GOLM2: variants seen among roughly 807,000 people sequenced by gnomAD.
GOLM2 encodes protein GOLM2.
GOLM2 carries 26 observed loss-of-function variants against 55.9 expected under a neutral mutation model. The ratio of observed to expected loss-of-function variants is 0.47; its 90% confidence interval spans 0.34 to 0.65. The LOEUF (loss-of-function observed/expected upper bound fraction) is 0.65, where lower values mean the gene tolerates loss of function less well. Ranked by LOEUF, GOLM2 falls within the 30% of genes least tolerant of loss-of-function variation. GOLM2 has a pLI of 0.01. For missense variants in GOLM2, 486 were observed against 531.8 expected, an observed-to-expected ratio of 0.91 and a Z score of 0.85; for synonymous variants, 165 against 194.6, an observed-to-expected ratio of 0.85 and a Z score of 1.27.
chr15:44,357,292 T>TA lies in GOLM2; in HGVS notation c.802+18985dup, dbSNP rs559719807. 4.4e-3 allele frequency among the ~76,000 whole-genome samples: 661 copies of TA among 149,222 alleles called. 3 individuals carry two copies. Among genetic ancestry groups the TA allele is most frequent in the African/African-American group, 8.8e-3 (359 of 40,748 alleles). ...AACATAATTCATCGTATTAGCAGGCTAAAAAAAAAATCACATGATTATATC... is the reference window on the plus strand; with the variant it reads ...AACATAATTCATCGTATTAGCAGGCTAAAAAAAAAAATCACATGATTATATC... On this transcript the variant is annotated intron_variant, in intron 6 of 9. Transcript: ENST00000299957.
chr15:44,345,140 G>A (rs1038223586), intron 6 of GOLM2, among the ~76,000 whole-genome samples: 5 of 150,412 alleles, frequency 3.3e-5, no homozygotes, highest in Admixed American at 2.7e-4. Flanking sequence ...ATGGAGTTTC[G>A]CTCTTGTAGC....
chr15:44,385,397 C>A (rs532121849), intron 8 of GOLM2, among the ~76,000 whole-genome samples: 112 of 136,652 alleles, frequency 8.2e-4, no homozygotes, highest in Middle Eastern at 3.8e-3. Flanking sequence ...CACTTTCATT[C>A]ATTCCTTCTA....
chr15:44,389,060 G>T (rs541534284), intron 8 of GOLM2, among the ~76,000 whole-genome samples: 1 of 151,964 alleles, frequency 6.6e-6, no homozygotes, highest in African/African-American at 2.4e-5. Flanking sequence ...CTCGTGATCT[G>T]CCTGCCTCGG....
intron 6 of GOLM2, among the ~76,000 whole-genome samples, chr15:44,360,966 T>G (rs1239592288): frequency 2.7e-5 from 4 of 150,918 alleles, no homozygotes. Context: ...GGGTACATAA[T>G]GAAATGAAGG....
At chr15:44,375,232 G>C (rs1033397243) in intron 6 of GOLM2, among the ~76,000 whole-genome samples, 1 of 152,024 alleles carries the variant, frequency 6.6e-6, no homozygotes, top group Non-Finnish European at 1.5e-5. Flanking sequence ...TGTTGGCCAG[G>C]CTGGTTTCAA....
chr15:44,380,831 C>A lies in GOLM2; in HGVS notation c.927C>A (p.Asn309Lys), dbSNP rs774834522. The A allele has an allele frequency of 1.3e-6, 2 of 1,572,176 alleles. No homozygotes were observed. The highest frequency in any genetic ancestry group is 1.7e-6 in the Non-Finnish European group (2 of 1,159,434). The change falls in exon 8 of 10, where the codon AAC (asparagine) becomes AAA (lysine). Residue 309 changes from asparagine (N) to lysine (K), a missense_variant. Coordinates refer to ENST00000299957, the MANE Select transcript of GOLM2 (RefSeq NM_138423.4). ...PPDSHINHNG[N>K]PGTSKQNPSS... ...ATTCACACATAAACCACAATGGAAA[C>A]CCCGGTACTTCAAAACAGAATCCTT...
At chr15:44,342,373 T>A (rs1273178944) in intron 6 of GOLM2, among the ~76,000 whole-genome samples, 2 of 152,034 alleles carry the variant, frequency 1.3e-5, no homozygotes, top group East Asian at 3.9e-4. Context: ...CAAGTGGTAC[T>A]CCCACATCGG....
intron 9 of GOLM2, among the ~76,000 whole-genome samples, chr15:44,408,926 G>A (rs974065484): frequency 1.3e-5 from 2 of 150,576 alleles, no homozygotes; most frequent in African/African-American, 4.9e-5. Flanking sequence ...ATCGCCTACT[G>A]CACTCCAGCC....
At chr15:44,325,926 G>A (rs1304545173) in intron 2 of GOLM2, among the ~76,000 whole-genome samples, 1 of 152,158 alleles carries the variant, frequency 6.6e-6, no homozygotes, top group African/African-American at 2.4e-5. Flanking sequence ...TTGAGATGGG[G>A]GGTAAATCAA....
intron 1 of GOLM2, among the ~76,000 whole-genome samples, chr15:44,294,778 G>T (rs772829018): frequency 6.7e-6 from 1 of 150,054 alleles, no homozygotes; most frequent in African/African-American, 2.4e-5. Flanking sequence ...GGTGGGGGGC[G>T]CCTGTAATCC....
intron 1 of GOLM2, among the ~76,000 whole-genome samples, chr15:44,294,643 G>A (rs1595610420): frequency 6.6e-6 from 1 of 151,080 alleles, no homozygotes; most frequent in East Asian, 1.9e-4. Context: ...GAACCCGGCA[G>A]GCAGAGGTTG....
In GOLM2 at chr15:44,400,234, AAT is replaced by A. The variant is rs2079555750; in HGVS notation, c.1073-2651_1073-2650del. The stretch of plus-strand genomic sequence containing the variant: ...TTGTACATATCCAAGCTTATACTAG[AAT>A]AGTTTTAAGATGAATTCATGCTCTT... On this transcript the variant is annotated intron_variant, in intron 8 of 9. Coordinates refer to ENST00000299957, the MANE Select transcript of GOLM2 (RefSeq NM_138423.4). 8.6e-5 allele frequency among the ~76,000 whole-genome samples: 13 copies of A among 151,936 alleles called. No individual in the cohort carries two copies. The South Asian group carries it at 2.7e-3, about 32-fold the overall frequency.
chr15:44,402,821 C>T (rs911048911), intron 8 of GOLM2, 66 bp from the exon 9 acceptor site: 5 of 1,531,704 alleles, frequency 3.3e-6, no homozygotes, highest in Admixed American at 1.8e-5. Context: ...TCTGGTCTGC[C>T]TTCCGTATAG....
chr15:44,337,455 T>C (rs939014758), intron 4 of GOLM2, among the ~76,000 whole-genome samples: 28 of 152,090 alleles, frequency 1.8e-4, no homozygotes, highest in African/African-American at 6.3e-4. Context: ...GCCATTAGGG[T>C]AACCTAGAGT....
chr15:44,317,258 T>C (rs2078916813), intron 1 of GOLM2, among the ~76,000 whole-genome samples: 2 of 152,136 alleles, frequency 1.3e-5, no homozygotes, highest in South Asian at 4.1e-4. Flanking sequence ...ATGCCTGTGG[T>C]CCCAGCTACT....
chr15:44,399,028 C>T (rs773229498), intron 8 of GOLM2, among the ~76,000 whole-genome samples: 26 of 152,202 alleles, frequency 1.7e-4, no homozygotes, highest in Non-Finnish European at 2.8e-4. Context: ...TAAATCCAGT[C>T]AAATTAATCT....
intron 3 of GOLM2, among the ~76,000 whole-genome samples, chr15:44,330,449 G>C (rs970456119): frequency 6.7e-6 from 1 of 149,456 alleles, no homozygotes; most frequent in Non-Finnish European, 1.5e-5. Context: ...GGAGGCAGAG[G>C]TTGTAGTGAG....
intron 6 of GOLM2, among the ~76,000 whole-genome samples, chr15:44,360,164 C>T (rs927825674): frequency 6.6e-6 from 1 of 152,062 alleles, no homozygotes; most frequent in Non-Finnish European, 1.5e-5. Context: ...AAATAACCAG[C>T]TAACATCATA....
rs2078701087 is a variant in GOLM2 at position 44,289,070 on chromosome 15, CCT to C, written c.47_48del (p.Leu16ArgfsTer92). 1.2e-6 allele frequency: 2 copies of C among 1,614,002 alleles called. No homozygotes were observed. The highest frequency in any genetic ancestry group is 8.5e-7 in the Non-Finnish European group (1 of 1,179,962). ...GCCAACCGGCGGGCTGGCCGCCTGCCCTCTCTCGTGCTGGTGGTGCTGCTGGT... is the reference window on the plus strand; with the variant it reads ...GCCAACCGGCGGGCTGGCCGCCTGCCCTCTCGTGCTGGTGGTGCTGCTGGT... On this transcript the variant is annotated frameshift_variant, in exon 1 of 10. Transcript: ENST00000299957. LOFTEE classifies it high-confidence loss of function. The surrounding 1 kb of genome is among the most constrained non-coding windows in gnomAD (Gnocchi z 4.8).
Sources: allele counts gnomAD v4.1 joint callset (sites outside exome capture counted in the v4.1 genomes callset), GRCh38; gene constraint gnomAD v4.1.1; non-coding constraint Gnocchi (gnomAD v3.1); transcripts MANE v1.5; gene names NCBI Gene and HGNC (gene_info 2026-07-23, HGNC 2026-07-21).